TOX: variants seen among roughly 807,000 people sequenced by gnomAD.
TOX encodes the protein thymocyte selection associated high mobility group box.
Under a neutral mutation model 53.7 loss-of-function variants are expected in TOX, and 11 were observed. The observed-to-expected ratio is 0.20, with a 90% confidence interval of 0.13 to 0.34. The LOEUF is 0.34. Among genes scored for constraint, TOX ranks in the 10% least tolerant of loss-of-function variants. The pLI is 1.00. For missense variants in TOX, 570 were observed against 664.6 expected, an observed-to-expected ratio of 0.86 and a Z score of 1.56; for synonymous variants, 225 against 245.3, an observed-to-expected ratio of 0.92 and a Z score of 0.77.
chr8:59,056,304 C>T (rs912209146), intron 1 of TOX, among the ~76,000 whole-genome samples: 9 of 151,420 alleles, frequency 5.9e-5, no homozygotes, highest in Non-Finnish European at 1.3e-4. Flanking sequence ...TAGTAGTGAA[C>T]ATCTGTAGTC....
chr8:58,911,254 G>A (rs1041663376), intron 3 of TOX, among the ~76,000 whole-genome samples: 1 of 152,128 alleles, frequency 6.6e-6, no homozygotes, highest in Non-Finnish European at 1.5e-5. Flanking sequence ...CTCAGTTTGG[G>A]ACGAGTGTAG....
chr8:59,000,373 T>TA (rs1813668407), intron 1 of TOX, among the ~76,000 whole-genome samples: 1 of 152,310 alleles, frequency 6.6e-6, no homozygotes, highest in Admixed American at 6.5e-5. Flanking sequence ...ATACCCAGTA[T>TA]ATATAAAAGA....
In TOX at chr8:58,944,141, G is replaced by A. The variant is rs543697734; in HGVS notation, c.169-4597C>T. Reference sequence around the variant, plus strand: ...AAGAGAGTCGCGAGGTGTTGCTAGTGCTGAGCTACGCAACAGGACTCTTGT... The same window carrying A: ...AAGAGAGTCGCGAGGTGTTGCTAGTACTGAGCTACGCAACAGGACTCTTGT... On this transcript the variant is annotated intron_variant, in intron 2 of 8. Transcript: ENST00000361421. Among the ~76,000 whole-genome samples, 94 of 152,284 alleles carry A rather than the reference G, an allele frequency of 6.2e-4. No homozygotes were observed. The South Asian group carries it at 0.019, about 31-fold the overall frequency.
At chr8:58,879,318 C>T (rs760230500) in intron 3 of TOX, among the ~76,000 whole-genome samples, 4 of 152,194 alleles carry the variant, frequency 2.6e-5, no homozygotes, top group Non-Finnish European at 4.4e-5. Context: ...ATGGCTAAAA[C>T]GGAATGTCAA....
chr8:58,851,947 C>T lies in TOX; in HGVS notation c.412-142G>A. On this transcript the variant is annotated intron_variant, in intron 3 of 8. Coordinates refer to ENST00000361421, the MANE Select transcript of TOX (RefSeq NM_014729.3). The surrounding 1 kb of genome is among the most constrained non-coding windows in gnomAD (Gnocchi z 4.4). ...TGAGTTACATACACATTTATTTTAT[C>T]TGGGGTAAAATAATCCTAAAAGTAT... is the stretch of plus-strand genomic sequence containing the variant. The T allele has an allele frequency of 1.3e-6, 1 of 742,238 alleles. No individual in the cohort carries two copies. Among genetic ancestry groups the T allele is most frequent in the Non-Finnish European group, 1.8e-6 (1 of 559,894 alleles). The allele number at this position is 742,238 out of a possible 1,614,324, so 46.0% of individuals were successfully genotyped here. A position where few individuals can be genotyped will look rare whatever the true frequency, so the allele number is the denominator to read the frequency against.
intron 1 of TOX, among the ~76,000 whole-genome samples, chr8:59,051,048 A>G (rs1189405649): frequency 6.6e-6 from 1 of 152,090 alleles, no homozygotes; most frequent in Non-Finnish European, 1.5e-5. Flanking sequence ...ATATCAGCTG[A>G]GCTGAACTAG....
chr8:59,062,904 T>C (rs1336894243), intron 1 of TOX, among the ~76,000 whole-genome samples: 1 of 152,182 alleles, frequency 6.6e-6, no homozygotes, highest in African/African-American at 2.4e-5. Context: ...CCTGATAATA[T>C]GGATTAACTT....
intron 1 of TOX, among the ~76,000 whole-genome samples, chr8:59,015,529 C>T (rs943004387): frequency 3.3e-5 from 5 of 152,078 alleles, no homozygotes; most frequent in Non-Finnish European, 7.4e-5. Flanking sequence ...GCTGTGAGCA[C>T]GACTGAATTA....
intron 1 of TOX, among the ~76,000 whole-genome samples, chr8:58,994,870 C>T (rs775290646): frequency 3.3e-5 from 5 of 152,132 alleles, no homozygotes; most frequent in Non-Finnish European, 7.3e-5. Context: ...GCTGACGGCA[C>T]CCTATTAGCT....
chr8:58,921,049 C>T lies in TOX; in HGVS notation c.411+18253G>A, dbSNP rs149967167. On this transcript the variant is annotated intron_variant, in intron 3 of 8. Transcript: ENST00000361421. The stretch of plus-strand genomic sequence containing the variant: ...CAGTCATTTTTTAGGACCTATCTTG[C>T]CTTATGTGGAGACACGGAGTTAAGA... Among the ~76,000 whole-genome samples the T allele has an allele frequency of 9.2e-4, 139 of 150,812 alleles. 1 individual carries two copies. Among genetic ancestry groups the T allele is most frequent in the African/African-American group, 3.1e-3 (128 of 41,194 alleles).
intron 3 of TOX, among the ~76,000 whole-genome samples, chr8:58,858,113 T>C (rs141877847): frequency 0.011 from 1,661 of 152,260 alleles, 10 homozygotes; most frequent in Non-Finnish European, 0.016. Context: ...AAAAACCCTG[T>C]GCTCATCTCA....
At chr8:59,042,496 A>C (rs1475828087) in intron 1 of TOX, among the ~76,000 whole-genome samples, 1 of 152,346 alleles carries the variant, frequency 6.6e-6, no homozygotes, top group East Asian at 1.9e-4. Context: ...CTTTATAGGA[A>C]CTATTTGCAT....
At position 58,860,813 on chromosome 8, in the gene TOX, C is replaced by T. The variant is rs549180102; in HGVS notation, c.412-9008G>A. On this transcript the variant is annotated intron_variant, in intron 3 of 8. Coordinates refer to ENST00000361421, the MANE Select transcript of TOX (RefSeq NM_014729.3). Reference sequence around the variant, plus strand: ...TCCCTGATCAAGGCTAATAGGCTAACTGGTAGATACAAAGTTCAAAAACAT... The same window carrying T: ...TCCCTGATCAAGGCTAATAGGCTAATTGGTAGATACAAAGTTCAAAAACAT... Among the ~76,000 whole-genome samples the T allele has an allele frequency of 2.6e-4, 39 of 152,288 alleles. No individual in the cohort carries two copies. In the South Asian group the frequency reaches 8.1e-3, roughly 32 times the overall value.
chr8:58,967,368 C>T (rs1314398200), intron 1 of TOX, among the ~76,000 whole-genome samples: 1 of 152,086 alleles, frequency 6.6e-6, no homozygotes, highest in Non-Finnish European at 1.5e-5. Flanking sequence ...TGACAAAACA[C>T]AAGGGAGTCC....
intron 1 of TOX, among the ~76,000 whole-genome samples, chr8:58,970,768 A>T (rs10283344): frequency 0.68 from 103,712 of 152,160 alleles, 36,915 homozygotes; most frequent in Non-Finnish European, 0.78. Context: ...TATTTAGTCA[A>T]TGACATTAAA....
At chr8:58,811,353 T>C (rs934785229) in intron 7 of TOX, among the ~76,000 whole-genome samples, 3 of 152,218 alleles carry the variant, frequency 2.0e-5, no homozygotes, top group African/African-American at 7.2e-5. Flanking sequence ...TGGTGCCAGA[T>C]TGAAATAAAA....
intron 1 of TOX, among the ~76,000 whole-genome samples, chr8:58,978,827 T>C (rs768221372): frequency 5.9e-5 from 9 of 152,252 alleles, no homozygotes; most frequent in Non-Finnish European, 1.2e-4. Context: ...CAATGACATG[T>C]ATCCACCACT....
At chr8:59,063,656 T>A (rs1302489473) in intron 1 of TOX, among the ~76,000 whole-genome samples, 2 of 152,016 alleles carry the variant, frequency 1.3e-5, no homozygotes, top group South Asian at 2.1e-4. Flanking sequence ...TCTCCAGACC[T>A]CGTGATCCAC....
intron 3 of TOX, among the ~76,000 whole-genome samples, chr8:58,927,047 C>CTT (rs10715496): frequency 0.013 from 1,868 of 145,142 alleles, 49 homozygotes; most frequent in African/African-American, 0.045. Context: ...ATTGTCACAC[C>CTT]TTTTTTTTTT....
Sources: gnomAD v4.1 joint callset for allele counts (sites outside exome capture counted in the v4.1 genomes callset) on GRCh38, gnomAD v4.1.1 for gene constraint, Gnocchi (gnomAD v3.1) non-coding constraint, MANE v1.5 for transcripts, NCBI Gene and HGNC (gene_info 2026-07-23, HGNC 2026-07-21) for gene names.